Variants in ARAP3 observed in about 807,000 individuals in gnomAD.
ARAP3 encodes arf-GAP with Rho-GAP domain, ANK repeat and PH domain-containing protein 3.
In ARAP3, 82 loss-of-function variants were observed where a neutral mutation model predicts 169.2. The observed-to-expected ratio is 0.48, with a 90% CI of 0.41 to 0.58. The LOEUF (loss-of-function observed/expected upper bound fraction) is 0.58, where lower values mean the gene tolerates loss of function less well. Ranked by LOEUF, ARAP3 falls within the 20% of genes least tolerant of loss-of-function variation. The pLI is 0.00. For synonymous variants in ARAP3, 791 were observed against 800.3 expected (o/e 0.99, Z 0.20); for missense variants, 1,764 against 2,018.0 (o/e 0.87, Z 2.41).
Position 141,666,561 on chromosome 5 carries a change from T to C in ARAP3, c.2435A>G (p.His812Arg). 1.3e-6 allele frequency: 2 copies of C among 1,571,794 alleles called. No homozygotes were observed. Among genetic ancestry groups the C allele is most frequent in the Non-Finnish European group, 1.7e-6 (2 of 1,160,718 alleles). ...CCAGAGACCAGGGGCCGGGGCTGTA[T>C]GGGAGGGGGACCGCAGCCATAGGCG... ...LGRLWLRSPSHTAPAPGLWLS... is the reference protein window; with the variant it reads ...LGRLWLRSPSRTAPAPGLWLS... Residue 812 changes from histidine to arginine, a missense_variant, in exon 17 of 33, where the codon CAT becomes CGT. Around this residue, in one of 3 missense-constraint regions of ARAP3, gnomAD observed 1,112 missense variants for 1,285.7 expected, o/e 0.86. Coordinates refer to ENST00000239440, the MANE Select transcript of ARAP3 (RefSeq NM_022481.6).
chr5:141,655,799 G>T (rs186195789), intron 30 of ARAP3, 41 bp from the exon 31 acceptor site: 6 of 1,614,150 alleles, frequency 3.7e-6, no homozygotes, highest in Non-Finnish European at 4.2e-6. Context: ...GGGCATGAAA[G>T]GCACTGAGGA....
At chr5:141,655,214 C>CACA (rs2099909081) in intron 32 of ARAP3, 148 bp downstream of exon 32, 29 of 644,128 alleles carry the variant, frequency 4.5e-5, no homozygotes, top group East Asian at 1.5e-4. Flanking sequence ...CACACACACA[C>CACA]CCTGATGGCC....
intron 21 of ARAP3, among the ~76,000 whole-genome samples, chr5:141,661,445 TGA>T (rs1055326064): frequency 4.6e-5 from 7 of 152,218 alleles, no homozygotes; most frequent in African/African-American, 1.7e-4. Context: ...ATGAAGAAAT[TGA>T]GGCCCAGAGA....
chr5:141,677,619 T>C (rs2099912357), intron 4 of ARAP3, among the ~76,000 whole-genome samples: 1 of 152,226 alleles, frequency 6.6e-6, no homozygotes, highest in African/African-American at 2.4e-5. Context: ...GCTTCTCCTT[T>C]GGCCCCCTAC....
Position 141,670,665 on chromosome 5 carries a change from T to C in ARAP3, c.1991-37A>G, listed in dbSNP as rs750790442. On this transcript the variant is annotated intron_variant, in intron 13 of 32. Coordinates refer to ENST00000239440, the MANE Select transcript of ARAP3 (RefSeq NM_022481.6). Reference sequence around the variant, plus strand: ...AGGGGAAGTAGTCAGGTCAACCAAGTGCAACGGGATAACCTGACCCCCTCT... The same window carrying C: ...AGGGGAAGTAGTCAGGTCAACCAAGCGCAACGGGATAACCTGACCCCCTCT... 15 of 1,572,944 alleles carry C rather than the reference T, an allele frequency of 9.5e-6. 1 individual carries two copies. The South Asian group carries it at 1.4e-4, about 15-fold the overall frequency.
At chr5:141,675,124 C>T (rs761394325) in intron 4 of ARAP3, among the ~76,000 whole-genome samples, 53 of 152,316 alleles carry the variant, frequency 3.5e-4, no homozygotes, top group South Asian at 1.0e-3. Context: ...CCTTTGCACA[C>T]GCTCTTCCCT....
intron 4 of ARAP3, among the ~76,000 whole-genome samples, chr5:141,678,447 T>C (rs1441788888): frequency 6.6e-6 from 1 of 152,264 alleles, no homozygotes; most frequent in East Asian, 1.9e-4. Context: ...GCTAACTCCT[T>C]CACCTCCTTC....
chr5:141,658,421 G>A lies in ARAP3; in HGVS notation c.3470C>T (p.Thr1157Ile), dbSNP rs1000186318. 6.2e-6 allele frequency: 10 copies of A among 1,613,978 alleles called. No homozygotes were observed. The African/African-American group carries it at 1.2e-4, about 19-fold the overall frequency. ...CACCCACAAGTCCATCCCAGCTGCT[G>A]TCCCCCGCATCTCCAGTACCTGGTT... Reference protein sequence around the residue: ...LTNQVLEMRGTAAGMDLWVTF... With the variant: ...LTNQVLEMRGIAAGMDLWVTF... The change falls in exon 25 of 33, where the codon ACA becomes ATA. Residue 1157 changes from threonine (T) to isoleucine (I), a missense_variant. Around this residue, in one of 3 missense-constraint regions of ARAP3, gnomAD observed 1,112 missense variants for 1,285.7 expected, o/e 0.86. Coordinates refer to ENST00000239440, the MANE Select transcript of ARAP3 (RefSeq NM_022481.6).
In ARAP3 at chr5:141,666,409, A is replaced by G. The variant is rs62380787; in HGVS notation, c.2572+15T>C. 0.067 allele frequency: 103,011 copies of G among 1,540,448 alleles called. 4,090 individuals carry two copies. The highest frequency in any genetic ancestry group is 0.08 in the Non-Finnish European group (91,033 of 1,140,814). On this transcript the variant is annotated intron_variant, in intron 17 of 32. Coordinates refer to ENST00000239440, the MANE Select transcript of ARAP3 (RefSeq NM_022481.6). Reference sequence around the variant, plus strand: ...GCCACCCTTCATCCCTGTCCCCCCAAACCTCCCCGCTTACTGATCTCCTGT... The same window carrying G: ...GCCACCCTTCATCCCTGTCCCCCCAGACCTCCCCGCTTACTGATCTCCTGT...
intron 23 of ARAP3, 66 bp from the exon 24 acceptor site, chr5:141,658,719 G>C: frequency 1.5e-6 from 2 of 1,367,854 alleles, no homozygotes; most frequent in African/African-American, 1.5e-5. Flanking sequence ...AAGTCAGAGG[G>C]TTCCTCGTGT....
Position 141,662,123 on chromosome 5 carries a change from T to A in ARAP3, c.2933A>T (p.Asp978Val). ...CTCACGAAAGAAGCGTTTGAGTGTGTCAGTGACATCCTCCACAAAGTGCTC... is the reference window on the plus strand; with the variant it reads ...CTCACGAAAGAAGCGTTTGAGTGTGACAGTGACATCCTCCACAAAGTGCTC... ...PGEHFVEDVT[D>V]TLKRFFRELD... The change falls in exon 20 of 33, where the codon GAC becomes GTC. Residue 978 changes from aspartate (D) to valine (V), a missense_variant. Asp to Val is a radical substitution (Grantham distance 152). Coordinates refer to ENST00000239440, the MANE Select transcript of ARAP3 (RefSeq NM_022481.6). 6.2e-7 allele frequency: 1 copy of A among 1,614,188 alleles called. No homozygotes were observed. Among genetic ancestry groups the A allele is most frequent in the South Asian group, 1.1e-5 (1 of 91,088 alleles).
rs560640362 is a variant in ARAP3, at chr5:141,679,532, A to G, written c.698+13T>C. The G allele has an allele frequency of 1.2e-4, 191 of 1,612,496 alleles. 3 individuals carry two copies. The South Asian group carries it at 1.8e-3, about 15-fold the overall frequency. On this transcript the variant is annotated intron_variant, in intron 4 of 32. Transcript: ENST00000239440. Reference sequence around the variant, plus strand: ...TGCTCCTCCCTCCCACCACTTCCCTATTTAGTACTCACCTGTGTTCAGCCC... The same window carrying G: ...TGCTCCTCCCTCCCACCACTTCCCTGTTTAGTACTCACCTGTGTTCAGCCC...
At position 141,659,859 on chromosome 5, in the gene ARAP3, C is replaced by T. The variant is rs567097746; in HGVS notation, c.3187G>A (p.Val1063Met). Reference sequence around the variant, plus strand: ...TCCCCTCGCCCATCCGTCTGGAACACGCTGGGTGCAAACAGCAGAGCCAAG... The same window carrying T: ...TCCCCTCGCCCATCCGTCTGGAACATGCTGGGTGCAAACAGCAGAGCCAAG... ...RNLALLFAPS[V>M]FQTDGRGEHE... Residue 1063 changes from valine (V) to methionine (M), a missense_variant, in exon 22 of 33, where the codon GTG (valine) becomes ATG (methionine). Physicochemically the swap from Val to Met is conservative, Grantham distance 21. Coordinates refer to ENST00000239440, the MANE Select transcript of ARAP3 (RefSeq NM_022481.6). The T allele has an allele frequency of 1.1e-5, 17 of 1,602,544 alleles. No individual in the cohort carries two copies. The highest frequency in any genetic ancestry group is 7.9e-5 in the South Asian group (7 of 88,626).
intron 1 of ARAP3, among the ~76,000 whole-genome samples, chr5:141,681,566 C>G (rs2099912979): frequency 6.6e-6 from 1 of 152,118 alleles, no homozygotes; most frequent in Non-Finnish European, 1.5e-5. Context: ...CCCATTCCAT[C>G]TCAACCTCTC....
At position 141,679,652 on chromosome 5, in the gene ARAP3, G is replaced by A; in HGVS notation, c.591C>T (p.His197=). ...PALRPTTGTV[H]IMDPGCLYYG... is the part of the protein sequence containing the mutation. ...AGTACAGGCAACCAGGATCCATGAT[G>A]TGCACTGGCAGGAGGAGAGGGGAAC... is the stretch of plus-strand genomic sequence containing the variant. The change falls in exon 4 of 33, where the codon CAC becomes CAT. Residue 197 remains histidine, a synonymous_variant. Coordinates refer to ENST00000239440, the MANE Select transcript of ARAP3 (RefSeq NM_022481.6). The A allele has an allele frequency of 6.2e-7, 1 of 1,614,120 alleles. No homozygotes were observed. The highest frequency in any genetic ancestry group is 8.5e-7 in the Non-Finnish European group (1 of 1,180,008).
chr5:141,655,832 C>T (rs1397676354), intron 30 of ARAP3, 37 bp downstream of exon 30: 6 of 1,613,954 alleles, frequency 3.7e-6, no homozygotes, highest in Admixed American at 1.7e-5. Context: ...CCCAGGGGGA[C>T]CACAGACCCA....
chr5:141,656,566 G>A lies in ARAP3; in HGVS notation c.3727C>T (p.Arg1243Cys), dbSNP rs974041356. The change falls in exon 27 of 33, where the codon CGC (arginine) becomes TGC (cysteine). Residue 1243 changes from arginine to cysteine, a missense_variant. Coordinates refer to ENST00000239440, the MANE Select transcript of ARAP3 (RefSeq NM_022481.6). ...REEPPRLLGSRFQERFFLLRG... is the reference protein window; with the variant it reads ...REEPPRLLGSCFQERFFLLRG... ...AGCAGAAAGAACCTCTCCTGGAAGC[G>A]GCTTCCCAGCAAGCGAGGTGGCTCC... is the stretch of plus-strand genomic sequence containing the variant. 12 of 1,612,930 alleles carry A rather than the reference G, an allele frequency of 7.4e-6. No homozygotes were observed. Among genetic ancestry groups the A allele is most frequent in the South Asian group, 1.1e-5 (1 of 90,830 alleles).
Position 141,672,141 on chromosome 5 carries a change from C to T in ARAP3, c.1546G>A (p.Ala516Thr). 6.2e-7 allele frequency: 1 copy of T among 1,614,192 alleles called. No individual in the cohort carries two copies. Among genetic ancestry groups the T allele is most frequent in the Non-Finnish European group, 8.5e-7 (1 of 1,180,032 alleles). The change falls in exon 10 of 33, where the codon GCT becomes ACT. Residue 516 changes from alanine (A) to threonine (T), a missense_variant. By Grantham distance (58) the Ala-to-Thr change is moderately conservative. Transcript: ENST00000239440. This position sits in a 1 kb window ranked among gnomAD's most constrained non-coding sequence, Gnocchi z 4.9. ...DCGSSRPDWA[A>T]VNLGVVICKQ... is the part of the protein sequence containing the mutation. ...CAGATGACCACCCCCAAATTGACAG[C>T]AGCCCAATCTGGGCGGGAGGACCCA...
In ARAP3 at chr5:141,656,520, A is replaced by T. The variant is rs1286987222; in HGVS notation, c.3773T>A (p.Leu1258Gln). Reference sequence around the variant, plus strand: ...GGGCCTCACTTTCTTCTCCTTGAGCAGCAGCAGGCAGCGGCCACGCAGCAG... The same window carrying T: ...GGGCCTCACTTTCTTCTCCTTGAGCTGCAGCAGGCAGCGGCCACGCAGCAG... ...FFLLRGRCLL[L>Q]LKEKKSSKPE... Residue 1258 changes from leucine to glutamine, a missense_variant, in exon 27 of 33, where the codon CTG becomes CAG. This residue lies in a region of ARAP3 where 1,112 missense variants were observed against 1,285.7 expected (regional missense o/e 0.86). Coordinates refer to ENST00000239440, the MANE Select transcript of ARAP3 (RefSeq NM_022481.6). 1 of 1,612,288 alleles carries T rather than the reference A, an allele frequency of 6.2e-7. No individual in the cohort carries two copies. Among genetic ancestry groups the T allele is most frequent in the South Asian group, 1.1e-5 (1 of 90,678 alleles).
Sources: gnomAD v4.1 joint callset for allele counts (sites outside exome capture counted in the v4.1 genomes callset) on GRCh38, gnomAD v4.1.1 for gene constraint, gnomAD v4.1.1 regional missense constraint, Gnocchi (gnomAD v3.1) non-coding constraint, MANE v1.5 for transcripts, NCBI Gene and HGNC (gene_info 2026-07-23, HGNC 2026-07-21) for gene names.